RXFP1: variants seen among roughly 807,000 people sequenced by gnomAD.
The protein encoded by RXFP1 is relaxin family peptide receptor 1.
RXFP1 carries 73 observed loss-of-function variants against 89.8 expected under a neutral mutation model. That is an observed-to-expected ratio of 0.81 (90% CI 0.67 to 0.99). The LOEUF is 0.99. RXFP1 is among the 50% of genes least tolerant of loss of function. The pLI is 0.00. For missense variants in RXFP1, 793 were observed against 895.5 expected (o/e 0.89, Z 1.46); for synonymous variants, 277 against 305.5 (o/e 0.91, Z 0.97).
chr4:158,538,897 C>T (rs568921979), intron 1 of RXFP1, among the ~76,000 whole-genome samples: 43 of 152,142 alleles, frequency 2.8e-4, no homozygotes, highest in African/African-American at 1.0e-3. Context: ...AGGGTGCTTC[C>T]TTACACGTTC....
chr4:158,586,593 T>A (rs952204307), intron 2 of RXFP1, among the ~76,000 whole-genome samples: 3 of 152,178 alleles, frequency 2.0e-5, no homozygotes, highest in African/African-American at 7.2e-5. Context: ...GACACAGGAT[T>A]TAAAATATAG....
intron 5 of RXFP1, among the ~76,000 whole-genome samples, chr4:158,605,775 G>A (rs531302746): frequency 2.6e-4 from 40 of 152,206 alleles, no homozygotes; most frequent in African/African-American, 9.1e-4. Context: ...GTTGTCATAT[G>A]GTGAATTGCT....
chr4:158,626,148 A>ATAGATAGATAGATAGATAGTTAGT (rs1554019529), intron 9 of RXFP1, among the ~76,000 whole-genome samples: 2 of 149,644 alleles, frequency 1.3e-5, no homozygotes, highest in African/African-American at 5.0e-5. Context: ...AGATAGATAG[A>ATAGATAGATAGATAGATAGTTAGT]TAGATAGATA....
chr4:158,604,873 AT>A (rs1215136565), intron 4 of RXFP1, among the ~76,000 whole-genome samples, 194 bp from the exon 5 acceptor site: 1 of 152,212 alleles, frequency 6.6e-6, no homozygotes, highest in Non-Finnish European at 1.5e-5. Context: ...TTTTAAAAAA[AT>A]GAATAGCTTT....
rs566930096 is a variant in RXFP1 at position 158,633,137 on chromosome 4, T to C, written c.900-268T>C. Among the ~76,000 whole-genome samples the C allele has an allele frequency of 2.1e-3, 318 of 152,034 alleles. 1 individual carries two copies. The highest frequency in any genetic ancestry group is 7.5e-3 in the African/African-American group (311 of 41,440). The stretch of plus-strand genomic sequence containing the variant: ...GTGTGCCAAAATCGCACCACTACAC[T>C]CCAGCCTGGGTGACAGAGTGATACT... On this transcript the variant is annotated intron_variant, in intron 11 of 17. Transcript: ENST00000307765.
chr4:158,537,903 A>C (rs1745649611), intron 1 of RXFP1, among the ~76,000 whole-genome samples: 1 of 152,232 alleles, frequency 6.6e-6, no homozygotes, highest in African/African-American at 2.4e-5. Flanking sequence ...GATCCCAAGC[A>C]ATCTTCCTGA....
At chr4:158,637,982 C>G (rs1259045576) in intron 12 of RXFP1, 26 bp from the exon 13 acceptor site, 9 of 1,432,762 alleles carry the variant, frequency 6.3e-6, no homozygotes, top group African/African-American at 4.2e-5. Context: ...TAGAAATGAC[C>G]TATTGCTGCT....
intron 1 of RXFP1, among the ~76,000 whole-genome samples, chr4:158,550,813 G>T (rs1215708741): frequency 6.6e-6 from 1 of 152,068 alleles, no homozygotes; most frequent in African/African-American, 2.4e-5. Context: ...ACCACTTACT[G>T]GTTCCATGAT....
At chr4:158,600,416 C>T (rs756288692) in intron 4 of RXFP1, among the ~76,000 whole-genome samples, 1 of 152,140 alleles carries the variant, frequency 6.6e-6, no homozygotes, top group Non-Finnish European at 1.5e-5. Flanking sequence ...AAAATATCAG[C>T]AGAGTTTTCC....
At chr4:158,648,438 GT>G in intron 16 of RXFP1, 60 bp from the exon 17 acceptor site, 4 of 1,002,058 alleles carry the variant, frequency 4.0e-6, no homozygotes, top group Non-Finnish European at 5.8e-6. Context: ...TTTTATTTAT[GT>G]TTGTTCATTT....
chr4:158,547,844 A>C (rs949439352), intron 1 of RXFP1, among the ~76,000 whole-genome samples: 1 of 151,928 alleles, frequency 6.6e-6, no homozygotes, highest in African/African-American at 2.4e-5. Flanking sequence ...TTCTTTTACA[A>C]TTGCTGAGGA....
At chr4:158,613,215 T>C (rs866933511) in intron 8 of RXFP1, among the ~76,000 whole-genome samples, 1 of 152,268 alleles carries the variant, frequency 6.6e-6, no homozygotes, top group Non-Finnish European at 1.5e-5. Context: ...AAGGGTCTCA[T>C]GTCAATGTTG....
rs780520128 is a variant in RXFP1, at chr4:158,565,037, T to G, written c.50-7661T>G. The stretch of plus-strand genomic sequence containing the variant: ...AGTGGTCCAGAGAAGAATTTCGGAG[T>G]TCCACTGGGGTGAGAAGGGCATCCT... On this transcript the variant is annotated intron_variant, in intron 1 of 17. Coordinates refer to ENST00000307765, the MANE Select transcript of RXFP1 (RefSeq NM_021634.4). 3.3e-5 allele frequency among the ~76,000 whole-genome samples: 5 copies of G among 152,082 alleles called. No homozygotes were observed. The East Asian group carries it at 9.6e-4, about 29-fold the overall frequency.
intron 1 of RXFP1, among the ~76,000 whole-genome samples, chr4:158,527,907 A>G (rs1192698014): frequency 6.6e-6 from 1 of 152,084 alleles, no homozygotes; most frequent in Non-Finnish European, 1.5e-5. Flanking sequence ...TGGGTCTCCA[A>G]ATTTCATATG....
chr4:158,607,996 A>G lies in RXFP1; in HGVS notation c.489A>G (p.Thr163=), dbSNP rs1232182780. 2.5e-6 allele frequency: 4 copies of G among 1,608,368 alleles called. No individual in the cohort carries two copies. The Admixed American group carries it at 5.0e-5, about 20-fold the overall frequency. ...QKLYLQNNKI[T]SISIYAFRGL... Reference sequence around the variant, plus strand: ...GGTACCTGCAAAACAATAAGATTACATCCATCTCCATCTATGCTTTCAGAG... The same window carrying G: ...GGTACCTGCAAAACAATAAGATTACGTCCATCTCCATCTATGCTTTCAGAG... Residue 163 remains threonine (T), a synonymous_variant, in exon 6 of 18, where the codon ACA becomes ACG. Transcript: ENST00000307765.
At chr4:158,648,060 C>T (rs1771916141) in intron 16 of RXFP1, among the ~76,000 whole-genome samples, 1 of 152,022 alleles carries the variant, frequency 6.6e-6, no homozygotes, top group Non-Finnish European at 1.5e-5. Flanking sequence ...CCTGTACTCC[C>T]AGCTACTTGG....
At chr4:158,640,292 G>A (rs1036819082) in intron 14 of RXFP1, among the ~76,000 whole-genome samples, 9 of 152,298 alleles carry the variant, frequency 5.9e-5, no homozygotes, top group Admixed American at 5.2e-4. Flanking sequence ...TGCCTAATGA[G>A]CTAGTAATTG....
At chr4:158,588,988 G>A (rs963939806) in intron 2 of RXFP1, among the ~76,000 whole-genome samples, 8 of 152,158 alleles carry the variant, frequency 5.3e-5, no homozygotes, top group Non-Finnish European at 1.2e-4. Flanking sequence ...AGAAATACAC[G>A]AGACTGAGTG....
intron 3 of RXFP1, among the ~76,000 whole-genome samples, chr4:158,595,261 C>CT (rs1179155467): frequency 2.6e-5 from 4 of 152,294 alleles, no homozygotes; most frequent in Admixed American, 2.0e-4. Flanking sequence ...ATCTGGGCAG[C>CT]TTTGAATGGA....
Sources: gnomAD v4.1 joint callset for allele counts (sites outside exome capture counted in the v4.1 genomes callset) on GRCh38, gnomAD v4.1.1 for gene constraint, MANE v1.5 for transcripts, NCBI Gene and HGNC (gene_info 2026-07-23, HGNC 2026-07-21) for gene names.